CFAP97D2: variants seen among roughly 807,000 people sequenced by gnomAD.
CFAP97D2 encodes uncharacterized protein CFAP97D2.
intron 4 of CFAP97D2, among the ~76,000 whole-genome samples, chr13:114,213,045 G>A (rs1447813202): frequency 6.6e-6 from 1 of 152,142 alleles, no homozygotes; most frequent in Non-Finnish European, 1.5e-5. Context: ...GAAGAACCAT[G>A]AGATTTAAAT....
At chr13:114,200,777 A>C (rs1174884248) in intron 3 of CFAP97D2, among the ~76,000 whole-genome samples, 2 of 152,174 alleles carry the variant, frequency 1.3e-5, no homozygotes, top group African/African-American at 4.8e-5. Flanking sequence ...TGTGCACCTC[A>C]CAGGACAGTA....
Position 114,211,460 on chromosome 13 carries a change from G to A in CFAP97D2, c.291-452G>A, listed in dbSNP as rs534198896. The stretch of plus-strand genomic sequence containing the variant: ...CTAGACCCTCCAAAATCCAACCCCT[G>A]CCAACCTCCCTCACCTCTCTCCCAT... On this transcript the variant is annotated intron_variant, in intron 3 of 4. Transcript: ENST00000646158. The surrounding 1 kb of genome is among the most constrained non-coding windows in gnomAD (Gnocchi z 4.2). 1.3e-5 allele frequency among the ~76,000 whole-genome samples: 2 copies of A among 152,192 alleles called. No individual in the cohort carries two copies. Among genetic ancestry groups the A allele is most frequent in the South Asian group, 4.2e-4 (2 of 4,816 alleles).
chr13:114,183,801 T>A (rs190244233), intron 1 of CFAP97D2, among the ~76,000 whole-genome samples: 2 of 152,184 alleles, frequency 1.3e-5, no homozygotes, highest in African/African-American at 4.8e-5. Context: ...GGGGATTAAG[T>A]TTCCACACGA....
At position 114,211,642 on chromosome 13, in the gene CFAP97D2, C is replaced by T. The variant is rs1243297901; in HGVS notation, c.291-270C>T. Among the ~76,000 whole-genome samples, 5 of 152,340 alleles carry T rather than the reference C, an allele frequency of 3.3e-5. No homozygotes were observed. The highest frequency in any genetic ancestry group is 1.9e-4 in the East Asian group (1 of 5,180). ...CTCAGGAAGCACCGGGAGACTTCCC[C>T]GCTGTGCCCCATTGTGCTCACCCTG... On this transcript the variant is annotated intron_variant, in intron 3 of 4. Transcript: ENST00000646158. The surrounding 1 kb of genome is among the most constrained non-coding windows in gnomAD (Gnocchi z 4.2).
chr13:114,181,991 A>G (rs919638694), intron 1 of CFAP97D2, among the ~76,000 whole-genome samples: 1 of 152,186 alleles, frequency 6.6e-6, no homozygotes, highest in Non-Finnish European at 1.5e-5. Context: ...AATAAGACAC[A>G]GAGACAAAGT....
intron 3 of CFAP97D2, among the ~76,000 whole-genome samples, chr13:114,208,299 G>A (rs1288111637): frequency 6.6e-6 from 1 of 152,184 alleles, no homozygotes; most frequent in Non-Finnish European, 1.5e-5. Flanking sequence ...TTCAAATACG[G>A]ATTTCTTTAA....
At chr13:114,182,385 C>G (rs201927416) in intron 1 of CFAP97D2, among the ~76,000 whole-genome samples, 2 of 151,474 alleles carry the variant, frequency 1.3e-5, no homozygotes, top group East Asian at 1.9e-4. Context: ...GGTTTTATAC[C>G]GAGACATTCA....
intron 3 of CFAP97D2, among the ~76,000 whole-genome samples, chr13:114,208,132 C>T (rs904253820): frequency 6.6e-6 from 1 of 152,160 alleles, no homozygotes; most frequent in Admixed American, 6.5e-5. Context: ...TTGTCAGGTT[C>T]TCTGCTCCTT....
exon 3 of CFAP97D2, chr13:114,200,336 A>G (rs750061180): frequency 5.0e-6 from 2 of 398,498 alleles, no homozygotes; most frequent in Non-Finnish European, 8.8e-6. Context: ...TGGAGGAGGA[A>G]CGGCTCTCCG....
At chr13:114,194,776 C>T (rs1395554201) in intron 1 of CFAP97D2, among the ~76,000 whole-genome samples, 1 of 152,186 alleles carries the variant, frequency 6.6e-6, no homozygotes, top group Non-Finnish European at 1.5e-5. Context: ...CATCAGATAA[C>T]ATTAAGGGGT....
In CFAP97D2 at chr13:114,211,905, C is replaced by T. The variant is rs1196652978; in HGVS notation, c.291-7C>T. The T allele has an allele frequency of 2.3e-5, 9 of 398,604 alleles. No individual in the cohort carries two copies. Among genetic ancestry groups the T allele is most frequent in the East Asian group, 1.1e-4 (3 of 28,092 alleles). The allele number at this position is 398,604 out of a possible 1,614,324, so 24.7% of individuals were successfully genotyped here. A position where few individuals can be genotyped will look rare whatever the true frequency, so the allele number is the denominator to read the frequency against. ...AAATTTCAAAATGTGTGTGCTCTTT[C>T]GTGGAGTCTGCACAGGGGGAAGAGA... On this transcript the variant is annotated splice_polypyrimidine_tract_variant and splice_region_variant and intron_variant, in intron 3 of 4. Transcript: ENST00000646158. This position sits in a 1 kb window ranked among gnomAD's most constrained non-coding sequence, Gnocchi z 4.2.
chr13:114,200,343 T>A (rs375533901), exon 3 of CFAP97D2: 1 of 398,652 alleles, frequency 2.5e-6, no homozygotes, highest in East Asian at 3.6e-5. Flanking sequence ...GGAACGGCTC[T>A]CCGTCATCGA....
intron 4 of CFAP97D2, among the ~76,000 whole-genome samples, chr13:114,213,224 A>G (rs1456683382): frequency 1.3e-5 from 2 of 152,198 alleles, no homozygotes; most frequent in Non-Finnish European, 2.9e-5. Flanking sequence ...AAGGAAAAAT[A>G]TGTAGACACC....
intron 1 of CFAP97D2, among the ~76,000 whole-genome samples, chr13:114,195,887 C>A (rs926047557): frequency 6.8e-6 from 1 of 146,596 alleles, no homozygotes; most frequent in Admixed American, 6.9e-5. Context: ...CTGGCTAATG[C>A]GTTGAAACCC....
chr13:114,222,709 C>T (rs117458426), downstream of CFAP97D2: 4,096 of 393,416 alleles, frequency 0.01, 203 homozygotes, highest in Admixed American at 0.093. The surrounding 1 kb of genome is among the most constrained non-coding windows in gnomAD (Gnocchi z 4.4). Context: ...TGCCCAGGGC[C>T]GGGGCCAGGG....
intron 2 of CFAP97D2, among the ~76,000 whole-genome samples, chr13:114,197,330 G>A (rs1403569120): frequency 6.6e-6 from 1 of 152,274 alleles, no homozygotes; most frequent in South Asian, 2.1e-4. Context: ...TTGCTACAAA[G>A]AGTCTTTTTG....
rs931348916 is a variant in CFAP97D2 at position 114,211,702 on chromosome 13, C to T, written c.291-210C>T. 1.3e-5 allele frequency among the ~76,000 whole-genome samples: 2 copies of T among 152,180 alleles called. No homozygotes were observed. Among genetic ancestry groups the T allele is most frequent in the Admixed American group, 6.5e-5 (1 of 15,282 alleles). ...CTCCCGCCGTGCAAAGCGAGCGCGC[C>T]GGGGCTGAGTGTGCCCTTCGCTCCT... On this transcript the variant is annotated intron_variant, in intron 3 of 4. Coordinates refer to ENST00000646158, the Ensembl canonical transcript of CFAP97D2. The surrounding 1 kb of genome is among the most constrained non-coding windows in gnomAD (Gnocchi z 4.2).
rs2080947824 is a variant in CFAP97D2, at chr13:114,207,759, T to C, written c.291-4153T>C. On this transcript the variant is annotated intron_variant, in intron 3 of 4. Transcript: ENST00000646158. The surrounding 1 kb of genome is among the most constrained non-coding windows in gnomAD (Gnocchi z 4.9). Reference sequence around the variant, plus strand: ...CTTATAGGGAAAACTGATTAGATCATTGTTCTTTGCTTGTAAATGTTCTCA... The same window carrying C: ...CTTATAGGGAAAACTGATTAGATCACTGTTCTTTGCTTGTAAATGTTCTCA... Among the ~76,000 whole-genome samples the C allele has an allele frequency of 1.3e-5, 2 of 152,214 alleles. No homozygotes were observed. Among genetic ancestry groups the C allele is most frequent in the South Asian group, 4.1e-4 (2 of 4,830 alleles).
chr13:114,218,630 T>C (rs1235552778), intron 4 of CFAP97D2, among the ~76,000 whole-genome samples: 1 of 152,090 alleles, frequency 6.6e-6, no homozygotes, highest in African/African-American at 2.4e-5. Flanking sequence ...CAAACTATAC[T>C]ACAAGGCTAC....
Sources: allele counts gnomAD v4.1 joint callset (sites outside exome capture counted in the v4.1 genomes callset), GRCh38; gene constraint gnomAD v4.1.1; non-coding constraint Gnocchi (gnomAD v3.1); transcripts MANE v1.5; gene names NCBI Gene and HGNC (gene_info 2026-07-23, HGNC 2026-07-21).